Variants in SYAP1 observed in about 807,000 individuals in gnomAD.
The protein encoded by SYAP1 is synapse associated protein 1.
In SYAP1, 3 loss-of-function variants were observed where a neutral mutation model predicts 29.6. That is an observed-to-expected ratio of 0.10 (90% CI 0.05 to 0.26). The LOEUF (loss-of-function observed/expected upper bound fraction) is 0.26, where lower values mean the gene tolerates loss of function less well. SYAP1 is among the 10% of genes least tolerant of loss of function. The pLI is 1.00. For synonymous variants in SYAP1, 102 were observed against 102.7 expected, an observed-to-expected ratio of 0.99 and a Z score of 0.04; for missense variants, 217 against 264.1, an observed-to-expected ratio of 0.82 and a Z score of 1.24.
At chrX:16,743,666 G>T in intron 4 of SYAP1, 35 bp from the exon 5 acceptor site, 1 of 1,187,839 alleles carries the variant, frequency 8.4e-7, no homozygotes, top group Admixed American at 2.3e-5. Context: ...CGCATTTTGT[G>T]GAATACCCTG....
chrX:16,737,175 C>T (rs1385081329), intron 3 of SYAP1, among the ~76,000 whole-genome samples: 2 of 111,344 alleles, frequency 1.8e-5, no homozygotes, highest in South Asian at 3.7e-4. Flanking sequence ...GCCTGAACTT[C>T]GAGACCAGCC....
In SYAP1 at chrX:16,757,142, G is replaced by A. The variant is rs145370310; in HGVS notation, c.784-20G>A. On this transcript the variant is annotated intron_variant, in intron 7 of 8. Coordinates refer to ENST00000380155, the MANE Select transcript of SYAP1 (RefSeq NM_032796.4). Reference sequence around the variant, plus strand: ...TGTCGCTTAGCAAACCATTTCAAGAGCTCATTTGTTGCATTTCAGGATGAG... The same window carrying A: ...TGTCGCTTAGCAAACCATTTCAAGAACTCATTTGTTGCATTTCAGGATGAG... The A allele has an allele frequency of 1.0e-3, 1,250 of 1,206,523 alleles. 11 individuals carry two copies. The African/African-American group carries it at 0.019, about 19-fold the overall frequency.
intron 5 of SYAP1, among the ~76,000 whole-genome samples, chrX:16,748,393 C>T (rs1423663065): frequency 8.9e-6 from 1 of 112,775 alleles, no homozygotes; most frequent in African/African-American, 3.2e-5. Context: ...CACACAGAAG[C>T]ACAACTTTGC....
Position 16,743,345 on chromosome X carries a change from A to T in SYAP1, c.436-356A>T, listed in dbSNP as rs183140475. 3.6e-3 allele frequency among the ~76,000 whole-genome samples: 366 copies of T among 101,382 alleles called. 1 individual carries two copies. Among genetic ancestry groups the T allele is most frequent in the African/African-American group, 6.8e-3 (187 of 27,332 alleles). 88.0% of individuals were successfully genotyped at this position (101,382 alleles called of 115,157 possible). A position where few individuals can be genotyped will look rare whatever the true frequency, so the allele number is the denominator to read the frequency against. On this transcript the variant is annotated intron_variant, in intron 4 of 8. Coordinates refer to ENST00000380155, the MANE Select transcript of SYAP1 (RefSeq NM_032796.4). ...TCCATCTCAAAACAAAAATAAAATT[A>T]AAAAAAAAGAGTGGGCGCATTGGCT...
chrX:16,734,996 C>CAAAA (rs1213395857), intron 1 of SYAP1, among the ~76,000 whole-genome samples: 1 of 9,919 alleles, frequency 1.0e-4, no homozygotes, highest in Non-Finnish European at 1.9e-4. Context: ...GAGACTGTCT[C>CAAAA]AAAAAAAAAA....
chrX:16,727,852 C>T (rs1926115737), intron 1 of SYAP1, among the ~76,000 whole-genome samples: 1 of 111,957 alleles, frequency 8.9e-6, no homozygotes. Context: ...GTTTTCTTGG[C>T]TCCCTAAGTC....
chrX:16,735,766 A>C lies in SYAP1; in HGVS notation c.295-400A>C, dbSNP rs188538985. 1.7e-3 allele frequency among the ~76,000 whole-genome samples: 190 copies of C among 111,721 alleles called. 1 individual carries two copies. Among genetic ancestry groups the C allele is most frequent in the African/African-American group, 5.9e-3 (182 of 30,796 alleles). On this transcript the variant is annotated intron_variant, in intron 2 of 8. Transcript: ENST00000380155. Reference sequence around the variant, plus strand: ...CAACCTCCCAAGTAGCTGGGATTACAGGCATGCGCTACCACACCCAGCTAA... The same window carrying C: ...CAACCTCCCAAGTAGCTGGGATTACCGGCATGCGCTACCACACCCAGCTAA...
At chrX:16,739,290 C>T (rs960436007) in intron 3 of SYAP1, among the ~76,000 whole-genome samples, 4 of 110,721 alleles carry the variant, frequency 3.6e-5, no homozygotes, top group African/African-American at 1.3e-4. Flanking sequence ...CTATCCATCC[C>T]TGTGTCCATC....
At chrX:16,733,052 G>A (rs1289529062) in intron 1 of SYAP1, among the ~76,000 whole-genome samples, 1 of 111,956 alleles carries the variant, frequency 8.9e-6, no homozygotes, top group African/African-American at 3.2e-5. Context: ...GGATATTTAA[G>A]TGGAGACCCA....
rs1926978524 is a variant in SYAP1 at position 16,761,229 on chromosome X, A to AG, written c.*870_*871insG. ...CAGTCTCAAAAAAAAAAAAAAAAAAAAGCTGTGCGAAAATATTTGTTTTTC... is the reference window on the plus strand; with the variant it reads ...CAGTCTCAAAAAAAAAAAAAAAAAAAGAGCTGTGCGAAAATATTTGTTTTTC... On this transcript the variant is annotated 3_prime_UTR_variant, in exon 9 of 9. Transcript: ENST00000380155. 1 of 108,067 alleles carries AG rather than the reference A, an allele frequency of 9.3e-6. No homozygotes were observed. Among genetic ancestry groups the AG allele is most frequent in the Admixed American group, 1.0e-4 (1 of 9,903 alleles). 8.9% of individuals were successfully genotyped at this position (108,067 alleles called of 1,213,427 possible).
intron 6 of SYAP1, among the ~76,000 whole-genome samples, chrX:16,755,900 G>A (rs1205317223): frequency 3.6e-5 from 4 of 111,844 alleles, no homozygotes; most frequent in South Asian, 3.7e-4. Flanking sequence ...TTTAATTCAC[G>A]GAATTTTAAA....
chrX:16,755,366 A>T (rs1391429973), intron 6 of SYAP1, among the ~76,000 whole-genome samples: 8 of 107,343 alleles, frequency 7.5e-5, no homozygotes, highest in Admixed American at 5.1e-4. Flanking sequence ...TATGTTGCCC[A>T]GGCTGTCCTC....
At chrX:16,744,383 C>T (rs945779234) in intron 5 of SYAP1, among the ~76,000 whole-genome samples, 1 of 112,788 alleles carries the variant, frequency 8.9e-6, no homozygotes, top group Admixed American at 9.4e-5. Context: ...CAAGCTCTTC[C>T]GTGCCTTCTC....
intron 1 of SYAP1, among the ~76,000 whole-genome samples, chrX:16,734,500 A>AT (rs201622812): frequency 0.017 from 1,907 of 111,018 alleles, 34 homozygotes; most frequent in African/African-American, 0.06. Flanking sequence ...AAGGAGGGGC[A>AT]TTTTTTCTTT....
At position 16,760,501 on chromosome X, in the gene SYAP1, G is replaced by A; in HGVS notation, c.*142G>A. The A allele has an allele frequency of 1.8e-6, 1 of 546,091 alleles. No homozygotes were observed. Among genetic ancestry groups the A allele is most frequent in the Non-Finnish European group, 2.6e-6 (1 of 379,083 alleles). 45.0% of individuals were successfully genotyped at this position (546,091 alleles called of 1,213,427 possible). Reference sequence around the variant, plus strand: ...TTATTCTTTTTTCAAGTTGAAACTTGCCTCTTCTACTTTAAAAAAGTATAT... The same window carrying A: ...TTATTCTTTTTTCAAGTTGAAACTTACCTCTTCTACTTTAAAAAAGTATAT... On this transcript the variant is annotated 3_prime_UTR_variant, in exon 9 of 9. Coordinates refer to ENST00000380155, the MANE Select transcript of SYAP1 (RefSeq NM_032796.4).
chrX:16,721,972 A>G (rs1475655001), intron 1 of SYAP1, among the ~76,000 whole-genome samples: 1 of 112,371 alleles, frequency 8.9e-6, no homozygotes, highest in Non-Finnish European at 1.9e-5. Context: ...ACAAACACAC[A>G]CACATTGTGA....
chrX:16,737,040 G>T (rs890444621), intron 3 of SYAP1, among the ~76,000 whole-genome samples: 1 of 111,698 alleles, frequency 9.0e-6, no homozygotes, highest in Non-Finnish European at 1.9e-5. Context: ...TAAGGCCTCA[G>T]CATGCCTACT....
intron 1 of SYAP1, among the ~76,000 whole-genome samples, chrX:16,729,674 G>A (rs1926164904): frequency 9.1e-6 from 1 of 110,123 alleles, no homozygotes; most frequent in Admixed American, 9.7e-5. Context: ...AGTAGAGACG[G>A]GGTTTCACAA....
chrX:16,724,831 G>A (rs897218654), intron 1 of SYAP1, among the ~76,000 whole-genome samples: 8 of 112,215 alleles, frequency 7.1e-5, no homozygotes, highest in Non-Finnish European at 1.5e-4. Flanking sequence ...GCTTTTCTAA[G>A]CTTCACGGGA....
Sources: gnomAD v4.1 joint callset for allele counts (sites outside exome capture counted in the v4.1 genomes callset) on GRCh38, gnomAD v4.1.1 for gene constraint, MANE v1.5 for transcripts, NCBI Gene and HGNC (gene_info 2026-07-23, HGNC 2026-07-21) for gene names.